TRPM4: variants seen among roughly 807,000 people sequenced by gnomAD.
TRPM4 encodes the protein transient receptor potential cation channel subfamily M member 4.
TRPM4 carries 124 observed loss-of-function variants against 135.6 expected under a neutral mutation model. The ratio of observed to expected loss-of-function variants is 0.91; its 90% CI spans 0.79 to 1.06. The LOEUF is 1.06. Among genes scored for constraint, TRPM4 ranks in the 50% least tolerant of loss-of-function variants. TRPM4 has a pLI of 0.00. For missense variants in TRPM4, 1,658 were observed against 1,671.4 expected, an observed-to-expected ratio of 0.99 and a Z score of 0.14; for synonymous variants, 745 against 705.6, an observed-to-expected ratio of 1.06 and a Z score of -0.88.
intron 2 of TRPM4, among the ~76,000 whole-genome samples, chr19:49,164,046 C>T (rs574171722): frequency 2.6e-5 from 4 of 152,328 alleles, no homozygotes; most frequent in South Asian, 2.1e-4. Context: ...AGTGTCTTTA[C>T]GGCTTTTGCC....
At chr19:49,208,316 T>TTC (rs1482604044) in intron 20 of TRPM4, among the ~76,000 whole-genome samples, 1 of 151,800 alleles carries the variant, frequency 6.6e-6, no homozygotes, top group African/African-American at 2.4e-5. Context: ...TGGAGCAGTC[T>TTC]TCTCTAAACT....
In TRPM4 at chr19:49,210,086, T is replaced by C. The variant is rs1969290177; in HGVS notation, c.3132-123T>C. 2 of 1,087,432 alleles carry C rather than the reference T, an allele frequency of 1.8e-6. No individual in the cohort carries two copies. The allele number at this position is 1,087,432 out of a possible 1,614,324, so 67.4% of individuals were successfully genotyped here. On this transcript the variant is annotated intron_variant, in intron 20 of 24. Coordinates refer to ENST00000252826, the MANE Select transcript of TRPM4 (RefSeq NM_017636.4). This position sits in a 1 kb window ranked among gnomAD's most constrained non-coding sequence, Gnocchi z 4.1. ...CTAATCGCATCCTGTAACCTCTGAC[T>C]TTAGTGATCTTGACTTCTGTCTGCT... is the stretch of plus-strand genomic sequence containing the variant.
At chr19:49,198,878 C>T (rs1051533471) in intron 17 of TRPM4, among the ~76,000 whole-genome samples, 1 of 151,972 alleles carries the variant, frequency 6.6e-6, no homozygotes, top group Non-Finnish European at 1.5e-5. Flanking sequence ...GGATTACAGG[C>T]GTGAGCTACT....
At position 49,182,689 on chromosome 19, in the gene TRPM4, C is replaced by A; in HGVS notation, c.1375C>A (p.Arg459Ser). 1 of 1,614,214 alleles carries A rather than the reference C, an allele frequency of 6.2e-7. No homozygotes were observed. The highest frequency in any genetic ancestry group is 8.5e-7 in the Non-Finnish European group (1 of 1,180,042). ...CCTGGGCCACTTCCTGACCCCGATG[C>A]GCCTGGCCCAACTCTACAGCGCGGC... ...LSLGHFLTPM[R>S]LAQLYSAAPS... Residue 459 changes from arginine to serine, a missense_variant, in exon 11 of 25, where the codon CGC becomes AGC. This residue lies in a region of TRPM4 where 1,412 missense variants were observed against 1,408.7 expected (regional missense o/e 1.00). Transcript: ENST00000252826.
At chr19:49,191,422 T>C (rs1600484865) in intron 16 of TRPM4, among the ~76,000 whole-genome samples, 1 of 152,092 alleles carries the variant, frequency 6.6e-6, no homozygotes, top group African/African-American at 2.4e-5. Flanking sequence ...GCCAGGCTGG[T>C]GTCAACCTCC....
intron 9 of TRPM4, among the ~76,000 whole-genome samples, chr19:49,179,642 G>A (rs750792496): frequency 1.4e-4 from 22 of 152,236 alleles, no homozygotes; most frequent in Non-Finnish European, 2.9e-4. Flanking sequence ...GAGCCACGGC[G>A]CCCGGCCTGT....
rs151000753 is a variant in TRPM4, at chr19:49,177,577, C to T, written c.1151-3772C>T. Reference sequence around the variant, plus strand: ...TTCTGACCTCGTGATCTGCCTGCCTCGGCCTCCCAAAGTGCTGGGATTACA... The same window carrying T: ...TTCTGACCTCGTGATCTGCCTGCCTTGGCCTCCCAAAGTGCTGGGATTACA... On this transcript the variant is annotated intron_variant, in intron 9 of 24. Transcript: ENST00000252826. Among the ~76,000 whole-genome samples, 1,040 of 152,152 alleles carry T rather than the reference C, an allele frequency of 6.8e-3. 12 individuals are homozygous for T. Among genetic ancestry groups the T allele is most frequent in the African/African-American group, 0.024 (982 of 41,524 alleles).
chr19:49,168,023 C>T lies in TRPM4; in HGVS notation c.374C>T (p.Ser125Leu), dbSNP rs201410152. ...CTGGTGGTGTCAGTGCTGGGGGGAT[C>T]GGGGGGCCCCGTCCTCCAGACCTGG... ...PNLVVSVLGG[S>L]GGPVLQTWLQ... The change falls in exon 4 of 25, where the codon TCG (serine) becomes TTG (leucine). Residue 125 changes from serine (S) to leucine (L), a missense_variant. Coordinates refer to ENST00000252826, the MANE Select transcript of TRPM4 (RefSeq NM_017636.4). The T allele has an allele frequency of 6.8e-6, 11 of 1,613,138 alleles. No individual in the cohort carries two copies. In the Admixed American group the frequency reaches 8.3e-5, roughly 12 times the overall value.
Position 49,172,106 on chromosome 19 carries a change from A to C in TRPM4, c.1148A>C (p.Lys383Thr), listed in dbSNP as rs1967486703. The change falls in exon 9 of 25, where the codon AAG (lysine) becomes ACG (threonine). Residue 383 changes from lysine (K) to threonine (T), a missense_variant and splice_region_variant. Transcript: ENST00000252826. ...ACCATAGTTTTGAAGGCCCTTGTGA[A>C]GGGTAAAAGTTGTACCCTCCAGTCT... ...FETIVLKALVKACGSSEASAY... is the reference protein window; with the variant it reads ...FETIVLKALVTACGSSEASAY... The C allele has an allele frequency of 6.2e-7, 1 of 1,612,428 alleles. No homozygotes were observed. The highest frequency in any genetic ancestry group is 8.5e-7 in the Non-Finnish European group (1 of 1,178,500).
intron 20 of TRPM4, among the ~76,000 whole-genome samples, chr19:49,202,881 CTTTTTTTTTT>C (rs752188238): frequency 9.1e-6 from 1 of 109,646 alleles, no homozygotes; most frequent in Non-Finnish European, 1.8e-5. Flanking sequence ...ATTTTTACTT[CTTTTTTTTTT>C]TTTTTTTTTT....
chr19:49,190,811 C>A (rs1286440210), intron 16 of TRPM4, 38 bp downstream of exon 16: 30 of 1,596,694 alleles, frequency 1.9e-5, no homozygotes, highest in Non-Finnish European at 2.6e-5. Context: ...GGTGGGGACA[C>A]CCTGGGCAGT....
At chr19:49,201,841 C>G (rs1389086891) in intron 19 of TRPM4, 123 bp from the exon 20 acceptor site, 13 of 983,830 alleles carry the variant, frequency 1.3e-5, no homozygotes, top group Admixed American at 1.0e-4. Flanking sequence ...CTCAGGTGAT[C>G]CGGCCATCTC....
intron 20 of TRPM4, among the ~76,000 whole-genome samples, chr19:49,203,425 C>T (rs191093234): frequency 4.1e-4 from 63 of 152,304 alleles, no homozygotes; most frequent in Admixed American, 1.1e-3. Context: ...GTGATCCGCC[C>T]GCCTTGGCCT....
chr19:49,161,192 G>T (rs1202289665), intron 2 of TRPM4, among the ~76,000 whole-genome samples: 3 of 151,984 alleles, frequency 2.0e-5, no homozygotes, highest in Non-Finnish European at 4.4e-5. Context: ...TAGGTAAGAC[G>T]TCACAGGGAA....
chr19:49,196,161 G>T (rs1454448258), intron 16 of TRPM4, among the ~76,000 whole-genome samples: 1 of 151,846 alleles, frequency 6.6e-6, no homozygotes, highest in Non-Finnish European at 1.5e-5. Flanking sequence ...CCCGATCCGG[G>T]TATATTTTTA....
Position 49,200,595 on chromosome 19 carries a change from C to T in TRPM4, c.2779-16C>T, listed in dbSNP as rs750760967. The T allele has an allele frequency of 1.9e-6, 3 of 1,610,950 alleles. No homozygotes were observed. Among genetic ancestry groups the T allele is most frequent in the Non-Finnish European group, 2.5e-6 (3 of 1,179,970 alleles). On this transcript the variant is annotated splice_polypyrimidine_tract_variant and intron_variant, in intron 18 of 24. Coordinates refer to ENST00000252826, the MANE Select transcript of TRPM4 (RefSeq NM_017636.4). ...TAGGAAAGGGCGGGGCCAGACTCAG[C>T]CACATCTCCCCACAGATGAAGGACG... is the stretch of plus-strand genomic sequence containing the variant.
intron 16 of TRPM4, among the ~76,000 whole-genome samples, chr19:49,194,779 C>T (rs71352739): frequency 7.5e-6 from 1 of 132,876 alleles, no homozygotes; most frequent in East Asian, 2.6e-4. Flanking sequence ...TTCCTCCCTT[C>T]TGAGACAAGG....
intron 2 of TRPM4, among the ~76,000 whole-genome samples, chr19:49,164,335 T>TCTCC (rs1172895739): frequency 9.3e-6 from 1 of 107,288 alleles, no homozygotes; most frequent in East Asian, 3.1e-4. Context: ...TCTCTGTCTC[T>TCTCC]CTCCCTCCCT....
In TRPM4 at chr19:49,159,033, T is replaced by G. The variant is rs1455525678; in HGVS notation, c.92+774T>G. ...GGATCCAGGCTTTCTAGTTTTTTTT[T>G]TTTTTTTTTTTTTTTTGAGACGGTG... On this transcript the variant is annotated intron_variant, in intron 2 of 24. Transcript: ENST00000252826. 4.3e-5 allele frequency: 6 copies of G among 140,900 alleles called. No homozygotes were observed. In the East Asian group the frequency reaches 1.0e-3, roughly 24 times the overall value. 8.7% of individuals were successfully genotyped at this position (140,900 alleles called of 1,614,324 possible). A position where few individuals can be genotyped will look rare whatever the true frequency, so the allele number is the denominator to read the frequency against.
Sources: gnomAD v4.1 joint callset for allele counts (sites outside exome capture counted in the v4.1 genomes callset) on GRCh38, gnomAD v4.1.1 for gene constraint, gnomAD v4.1.1 regional missense constraint, Gnocchi (gnomAD v3.1) non-coding constraint, MANE v1.5 for transcripts, NCBI Gene and HGNC (gene_info 2026-07-23, HGNC 2026-07-21) for gene names.